The following GRIK2 variants were observed in gnomAD, a reference collection of about 807,000 sequenced individuals.
GRIK2 encodes the protein glutamate receptor ionotropic, kainate 2.
A neutral mutation model predicts 100.3 loss-of-function variants in GRIK2; 32 were observed. The observed-to-expected ratio is 0.32, with a 90% confidence interval of 0.24 to 0.43. The LOEUF is 0.43. Among genes scored for constraint, GRIK2 ranks in the 20% least tolerant of loss-of-function variants. The probability of loss-of-function intolerance (pLI) is 1.00; values close to 1 mark genes in which losing one functional copy is unlikely to be tolerated. For missense variants in GRIK2, 843 were observed against 1,114.9 expected (o/e 0.76, Z 3.47); for synonymous variants, 417 against 389.4 (o/e 1.07, Z -0.83).
intron 12 of GRIK2, among the ~76,000 whole-genome samples, chr6:101,918,800 T>A (rs1789287095): frequency 6.6e-6 from 1 of 151,754 alleles, no homozygotes; most frequent in Non-Finnish European, 1.5e-5. Context: ...AGGAGGAGAA[T>A]GATTTTTAAA....
chr6:101,934,101 G>A (rs1170471534), intron 14 of GRIK2, among the ~76,000 whole-genome samples: 2 of 151,730 alleles, frequency 1.3e-5, no homozygotes, highest in Non-Finnish European at 2.9e-5. Flanking sequence ...AGGAAGGTAG[G>A]AAGCAATTAT....
intron 14 of GRIK2, among the ~76,000 whole-genome samples, chr6:102,031,747 T>G (rs1359716631): frequency 6.6e-6 from 1 of 151,338 alleles, no homozygotes; most frequent in Non-Finnish European, 1.5e-5. Flanking sequence ...TTAATTCACT[T>G]AGGATAATGG....
intron 14 of GRIK2, among the ~76,000 whole-genome samples, chr6:102,004,287 A>ATT (rs35096329): frequency 9.6e-5 from 11 of 114,482 alleles, no homozygotes; most frequent in South Asian, 2.8e-4. Context: ...CTGTAAGTTC[A>ATT]TTTTTTTTTT....
At chr6:102,028,357 T>C (rs755787404) in intron 14 of GRIK2, among the ~76,000 whole-genome samples, 1 of 151,300 alleles carries the variant, frequency 6.6e-6, no homozygotes, top group Non-Finnish European at 1.5e-5. Flanking sequence ...TCTTCTGAAC[T>C]GATTTTATTG....
At chr6:101,833,541 C>A (rs1782843223) in intron 10 of GRIK2, among the ~76,000 whole-genome samples, 2 of 152,098 alleles carry the variant, frequency 1.3e-5, no homozygotes, top group Admixed American at 6.6e-5. Flanking sequence ...TTATTCTTAA[C>A]AATGATAATA....
intron 11 of GRIK2, among the ~76,000 whole-genome samples, chr6:101,879,663 G>T (rs1465253957): frequency 2.2e-5 from 3 of 137,448 alleles, no homozygotes; most frequent in Non-Finnish European, 3.1e-5. Flanking sequence ...TTGTTAATTT[G>T]GTTGATCTCA....
rs10686607 is a variant in GRIK2, at chr6:101,774,855, G to GATAT, written c.952-24786_952-24783dup. Among the ~76,000 whole-genome samples the GATAT allele has an allele frequency of 2.0e-5, 3 of 151,786 alleles. No homozygotes were observed. The South Asian group carries it at 6.2e-4, about 32-fold the overall frequency. On this transcript the variant is annotated intron_variant, in intron 7 of 16. Coordinates refer to ENST00000369134, the MANE Select transcript of GRIK2 (RefSeq NM_021956.5). ...TGCTTGCGGAATGGTACATTTAAAA[G>GATAT]ATATATATATCAGAAAGAAAAGTTA...
At chr6:102,063,633 A>G (rs1445494677) in intron 16 of GRIK2, among the ~76,000 whole-genome samples, 1 of 150,746 alleles carries the variant, frequency 6.6e-6, no homozygotes, top group Non-Finnish European at 1.5e-5. Context: ...TATATCTTTT[A>G]ATTAGGAAGT....
At chr6:101,824,905 A>G (rs992696189) in intron 10 of GRIK2, among the ~76,000 whole-genome samples, 1 of 152,188 alleles carries the variant, frequency 6.6e-6, no homozygotes, top group African/African-American at 2.4e-5. Flanking sequence ...ACACAGTACA[A>G]AAGAGAGAAG....
At chr6:101,607,427 A>C (rs1223804034) in intron 2 of GRIK2, among the ~76,000 whole-genome samples, 6 of 152,018 alleles carry the variant, frequency 3.9e-5, no homozygotes, top group Non-Finnish European at 2.9e-5. Context: ...TAAAGCAATA[A>C]AAGTCACTCT....
At chr6:102,025,696 C>A (rs1032944445) in intron 14 of GRIK2, among the ~76,000 whole-genome samples, 3 of 151,122 alleles carry the variant, frequency 2.0e-5, no homozygotes, top group African/African-American at 7.3e-5. Flanking sequence ...TGTTTTAATT[C>A]TCAGTGTACT....
chr6:101,440,915 C>CTTTTT (rs1770012377), intron 2 of GRIK2, among the ~76,000 whole-genome samples: 1 of 149,640 alleles, frequency 6.7e-6, no homozygotes. Context: ...TTTTTGTTTA[C>CTTTTT]TGAAGATTAC....
intron 2 of GRIK2, among the ~76,000 whole-genome samples, chr6:101,481,990 A>T (rs1188022035): frequency 7.2e-5 from 11 of 152,008 alleles, no homozygotes; most frequent in Admixed American, 7.2e-4. Flanking sequence ...TTTTCCCTTC[A>T]CCTTGCACCA....
At chr6:102,051,251 CCCTTCCTTCCTT>C (rs369459574) in intron 15 of GRIK2, among the ~76,000 whole-genome samples, 6,151 of 121,930 alleles carry the variant, frequency 0.05, 208 homozygotes, top group African/African-American at 0.082. Flanking sequence ...TTCCCTCCCT[CCCTTCCTTCCTT>C]CCTTCCTTCC....
intron 2 of GRIK2, among the ~76,000 whole-genome samples, chr6:101,558,378 A>G (rs1197961703): frequency 6.6e-6 from 1 of 152,194 alleles, no homozygotes; most frequent in Non-Finnish European, 1.5e-5. Context: ...CTCTAACACA[A>G]CTGTGTGACA....
At chr6:101,886,052 G>T (rs1786590095) in intron 11 of GRIK2, among the ~76,000 whole-genome samples, 1 of 152,084 alleles carries the variant, frequency 6.6e-6, no homozygotes, top group African/African-American at 2.4e-5. Context: ...ATCCTTCTGT[G>T]CTCCACATAT....
intron 2 of GRIK2, among the ~76,000 whole-genome samples, chr6:101,457,721 G>T (rs1771085881): frequency 6.6e-6 from 1 of 151,660 alleles, no homozygotes; most frequent in Non-Finnish European, 1.5e-5. Context: ...TTACAGTTTT[G>T]GTGCTTCACA....
chr6:101,794,666 G>C (rs1489393448), intron 7 of GRIK2, among the ~76,000 whole-genome samples: 2 of 150,794 alleles, frequency 1.3e-5, no homozygotes, highest in African/African-American at 4.9e-5. Context: ...TGTGTTCTCT[G>C]TGTCTCATTG....
intron 2 of GRIK2, among the ~76,000 whole-genome samples, chr6:101,438,098 A>T (rs1769837477): frequency 6.6e-6 from 1 of 151,750 alleles, no homozygotes; most frequent in South Asian, 2.1e-4. Flanking sequence ...CATCAAATGA[A>T]GGTTTAATGG....
Sources: gnomAD v4.1 joint callset for allele counts (sites outside exome capture counted in the v4.1 genomes callset) on GRCh38, gnomAD v4.1.1 for gene constraint, MANE v1.5 for transcripts, NCBI Gene and HGNC (gene_info 2026-07-23, HGNC 2026-07-21) for gene names.